The following MDGA2 variants were observed in gnomAD, a reference collection of about 807,000 sequenced individuals.
MDGA2 encodes the protein MAM domain containing glycosylphosphatidylinositol anchor 2.
MDGA2 carries 40 observed loss-of-function variants against 117.8 expected under a neutral mutation model. That is an observed-to-expected ratio of 0.34 (90% CI 0.26 to 0.44). MDGA2 has a LOEUF of 0.44. Among genes scored for constraint, MDGA2 ranks in the 20% least tolerant of loss-of-function variants. The probability of loss-of-function intolerance (pLI) is 1.00; values close to 1 mark genes in which losing one functional copy is unlikely to be tolerated. For missense variants in MDGA2, 1,123 were observed against 1,250.6 expected, an observed-to-expected ratio of 0.90 and a Z score of 1.54; for synonymous variants, 452 against 439.0, an observed-to-expected ratio of 1.03 and a Z score of -0.37.
At chr14:47,262,262 A>G (rs1157745052) in intron 2 of MDGA2, among the ~76,000 whole-genome samples, 1 of 152,178 alleles carries the variant, frequency 6.6e-6, no homozygotes, top group African/African-American at 2.4e-5. Flanking sequence ...GATTATATTT[A>G]GGGACCACTG....
intron 3 of MDGA2, among the ~76,000 whole-genome samples, chr14:47,182,933 T>A (rs1884767451): frequency 6.6e-6 from 1 of 152,120 alleles, no homozygotes. Context: ...GAAACTCAAT[T>A]CAATTTAATT....
chr14:47,224,577 G>A (rs1886415872), intron 2 of MDGA2, among the ~76,000 whole-genome samples: 1 of 152,132 alleles, frequency 6.6e-6, no homozygotes, highest in Admixed American at 6.6e-5. Context: ...AAGGAGTTCA[G>A]CCAGATGTAC....
At chr14:47,503,693 T>C (rs12590874) in intron 1 of MDGA2, among the ~76,000 whole-genome samples, 113,460 of 152,060 alleles carry the variant, frequency 0.75, 42,835 homozygotes, top group East Asian at 1. Flanking sequence ...CGTGAGCCAC[T>C]GCGCCCGGCC....
intron 1 of MDGA2, among the ~76,000 whole-genome samples, chr14:47,619,573 C>T (rs1030002767): frequency 5.3e-5 from 8 of 152,246 alleles, no homozygotes; most frequent in South Asian, 2.1e-4. Flanking sequence ...CTCCAGCTTT[C>T]GGATGGCAAA....
intron 3 of MDGA2, among the ~76,000 whole-genome samples, chr14:47,192,410 T>G (rs1157942721): frequency 2.6e-5 from 4 of 151,390 alleles, no homozygotes; most frequent in Non-Finnish European, 4.4e-5. Flanking sequence ...AGCTCAGGAG[T>G]TGGAGACCAG....
intron 8 of MDGA2, among the ~76,000 whole-genome samples, chr14:47,010,234 T>C (rs545564595): frequency 1.9e-4 from 29 of 152,158 alleles, no homozygotes; most frequent in Admixed American, 1.3e-3. Context: ...CTTAGTCCAA[T>C]TGCTGGCATG....
intron 10 of MDGA2, among the ~76,000 whole-genome samples, chr14:46,887,797 T>A (rs762197305): frequency 1.3e-5 from 2 of 151,900 alleles, no homozygotes; most frequent in Non-Finnish European, 2.9e-5. Flanking sequence ...ATAGGCAAAG[T>A]GCTATGATTT....
rs560921679 is a variant in MDGA2, at chr14:47,265,018, G to C, written c.420+36393C>G. On this transcript the variant is annotated intron_variant, in intron 2 of 16. Transcript: ENST00000399232. ...TGTTATGCTGGTAAATGTTTAACAAGTAGCTCTCTAAACAAATGAAACCAA... is the reference window on the plus strand; with the variant it reads ...TGTTATGCTGGTAAATGTTTAACAACTAGCTCTCTAAACAAATGAAACCAA... Among the ~76,000 whole-genome samples the C allele has an allele frequency of 2.2e-4, 33 of 152,182 alleles. No individual in the cohort carries two copies. The South Asian group carries it at 6.4e-3, about 30-fold the overall frequency.
chr14:47,281,220 A>G (rs1243256239), intron 2 of MDGA2, among the ~76,000 whole-genome samples: 1 of 151,838 alleles, frequency 6.6e-6, no homozygotes, highest in African/African-American at 2.4e-5. Flanking sequence ...TAGAATCTGG[A>G]CAAGGTCTAT....
Position 47,053,617 on chromosome 14 carries a change from A to G in MDGA2, c.1525+7632T>C, listed in dbSNP as rs866772182. The stretch of plus-strand genomic sequence containing the variant: ...TGTGTATGTGTATATATATATATAT[A>G]TATATATATATATATATATATATAT... On this transcript the variant is annotated intron_variant, in intron 7 of 16. Transcript: ENST00000399232. Among the ~76,000 whole-genome samples the G allele has an allele frequency of 3.1e-3, 223 of 71,076 alleles. 3 individuals carry two copies. The highest frequency in any genetic ancestry group is 0.012 in the South Asian group (32 of 2,676). 46.6% of individuals were successfully genotyped at this position (71,076 alleles called of 152,430 possible). A position where few individuals can be genotyped will look rare whatever the true frequency, so the allele number is the denominator to read the frequency against.
chr14:47,100,207 T>C (rs1880223059), intron 5 of MDGA2, among the ~76,000 whole-genome samples: 1 of 152,134 alleles, frequency 6.6e-6, no homozygotes, highest in African/African-American at 2.4e-5. Context: ...ATTCAACATT[T>C]TCCCAGGACC....
chr14:47,380,031 C>A, intron 1 of MDGA2, among the ~76,000 whole-genome samples: 1 of 152,140 alleles, frequency 6.6e-6, no homozygotes, highest in African/African-American at 2.4e-5. Flanking sequence ...TCTCTCAGAC[C>A]ACAGTGCAAT....
chr14:47,344,159 G>A (rs998761957), intron 1 of MDGA2, among the ~76,000 whole-genome samples: 1 of 152,110 alleles, frequency 6.6e-6, no homozygotes, highest in Non-Finnish European at 1.5e-5. Flanking sequence ...TTTTGAGGGT[G>A]AAGAGATTTA....
At chr14:47,590,838 A>G (rs1431266629) in intron 1 of MDGA2, among the ~76,000 whole-genome samples, 1 of 151,994 alleles carries the variant, frequency 6.6e-6, no homozygotes, top group Non-Finnish European at 1.5e-5. Flanking sequence ...CATAAGCAGT[A>G]TTTCAGGAGA....
chr14:47,062,753 G>A (rs1889937100), intron 6 of MDGA2, among the ~76,000 whole-genome samples: 1 of 151,906 alleles, frequency 6.6e-6, no homozygotes, highest in African/African-American at 2.4e-5. Context: ...TTGTCAGTTA[G>A]TCCAATAAAA....
At chr14:47,316,155 T>C (rs1474942820) in intron 1 of MDGA2, among the ~76,000 whole-genome samples, 1 of 152,102 alleles carries the variant, frequency 6.6e-6, no homozygotes, top group Non-Finnish European at 1.5e-5. Flanking sequence ...ACTCATGTTA[T>C]ATAATTCATA....
At chr14:46,857,479 G>A (rs1881313760) in intron 14 of MDGA2, among the ~76,000 whole-genome samples, 1 of 151,584 alleles carries the variant, frequency 6.6e-6, no homozygotes, top group Non-Finnish European at 1.5e-5. Context: ...TGTTTGTCTT[G>A]TATATAGTAT....
At chr14:47,506,013 A>C (rs1894503795) in intron 1 of MDGA2, among the ~76,000 whole-genome samples, 1 of 152,198 alleles carries the variant, frequency 6.6e-6, no homozygotes, top group Non-Finnish European at 1.5e-5. Context: ...TTTGTAGGAG[A>C]GATAAGACAT....
At chr14:47,056,941 CAT>C (rs1392244225) in intron 7 of MDGA2, among the ~76,000 whole-genome samples, 3 of 151,902 alleles carry the variant, frequency 2.0e-5, no homozygotes, top group East Asian at 1.9e-4. Flanking sequence ...TTAATTATAG[CAT>C]ATAGTATATT....
Sources: allele counts gnomAD v4.1 joint callset (sites outside exome capture counted in the v4.1 genomes callset), GRCh38; gene constraint gnomAD v4.1.1; transcripts MANE v1.5; gene names NCBI Gene and HGNC (gene_info 2026-07-23, HGNC 2026-07-21).